Variants in ANO4 observed in about 807,000 individuals in gnomAD.
ANO4 encodes anoctamin-4.
ANO4 carries 69 observed loss-of-function variants against 141.9 expected under a neutral mutation model. The ratio of observed to expected loss-of-function variants is 0.49; its 90% CI spans 0.40 to 0.59. The LOEUF is 0.59. ANO4 is among the 20% of genes least tolerant of loss of function. The pLI is 0.00. For synonymous variants in ANO4, 350 were observed against 394.3 expected (o/e 0.89, Z 1.33); for missense variants, 894 against 1,162.2 (o/e 0.77, Z 3.36).
At chr12:100,771,256 T>G (rs1177784323) in intron 3 of ANO4, among the ~76,000 whole-genome samples, 2 of 151,998 alleles carry the variant, frequency 1.3e-5, no homozygotes, top group Non-Finnish European at 2.9e-5. Context: ...GATCAGTGGG[T>G]GGACAGGAAA....
At chr12:100,937,158 G>T (rs1204673819) in intron 3 of ANO4, among the ~76,000 whole-genome samples, 2 of 152,080 alleles carry the variant, frequency 1.3e-5, no homozygotes, top group African/African-American at 4.8e-5. Context: ...CTCAGATATC[G>T]TTACATTGTG....
chr12:100,778,918 A>G (rs1236311115), intron 3 of ANO4, among the ~76,000 whole-genome samples: 1 of 152,146 alleles, frequency 6.6e-6, no homozygotes, highest in East Asian at 1.9e-4. Context: ...TAACACACTC[A>G]TATCTGTTGT....
chr12:100,939,161 A>G (rs1439849978), intron 3 of ANO4, among the ~76,000 whole-genome samples, 154 bp from the exon 4 acceptor site: 1 of 152,212 alleles, frequency 6.6e-6, no homozygotes, highest in African/African-American at 2.4e-5. Flanking sequence ...TATGTCTGAC[A>G]TACTTTTCTT....
rs1389779160 is a variant in ANO4, at chr12:101,042,428, T to A, written c.1114T>A (p.Phe372Ile). ...AGCTGCCTTCATTGGATTGTTTGTCTTTTTGTATGGCGTCACCACTCTGGA... is the reference window on the plus strand; with the variant it reads ...AGCTGCCTTCATTGGATTGTTTGTCATTTTGTATGGCGTCACCACTCTGGA... ...FPAAFIGLFVFLYGVTTLDHS... is the reference protein window; with the variant it reads ...FPAAFIGLFVILYGVTTLDHS... The change falls in exon 12 of 28, where the codon TTT becomes ATT. Residue 372 changes from phenylalanine to isoleucine, a missense_variant. By Grantham distance (21) the Phe-to-Ile change is conservative. Around this residue, in one of 2 missense-constraint regions of ANO4, gnomAD observed 637 missense variants for 909.2 expected, o/e 0.70. Transcript: ENST00000392977. 6.2e-7 allele frequency: 1 copy of A among 1,614,166 alleles called. No individual in the cohort carries two copies. Among genetic ancestry groups the A allele is most frequent in the Admixed American group, 1.7e-5 (1 of 60,022 alleles).
chr12:100,983,986 G>A (rs142036250), intron 7 of ANO4, among the ~76,000 whole-genome samples: 226 of 152,278 alleles, frequency 1.5e-3, no homozygotes, highest in East Asian at 0.011. Flanking sequence ...ATGCACAGCC[G>A]TGTGTAATGG....
intron 1 of ANO4, among the ~76,000 whole-genome samples, chr12:100,845,094 G>GC: frequency 6.6e-6 from 1 of 152,286 alleles, no homozygotes; most frequent in Admixed American, 6.5e-5. Context: ...AGCAGGAAAG[G>GC]CCCATCATAG....
At chr12:101,090,743 A>T (rs184407307) in intron 17 of ANO4, among the ~76,000 whole-genome samples, 168 of 151,574 alleles carry the variant, frequency 1.1e-3, no homozygotes, top group African/African-American at 3.1e-3. Context: ...AACTTAAATT[A>T]AAAAAAAAGA....
intron 5 of ANO4, among the ~76,000 whole-genome samples, chr12:100,946,442 G>A (rs977539101): frequency 1.3e-5 from 2 of 152,174 alleles, no homozygotes; most frequent in Non-Finnish European, 2.9e-5. Context: ...GCTTGGTCAA[G>A]CACATAGAAG....
In ANO4 at chr12:101,127,030, GGAA is replaced by G. The variant is rs763279898; in HGVS notation, c.2835_2837del (p.Lys945del). 2.0e-5 allele frequency: 33 copies of G among 1,613,984 alleles called. No homozygotes were observed. The highest frequency in any genetic ancestry group is 2.6e-5 in the Non-Finnish European group (31 of 1,179,998). ...CGTCTCCAGAAGGAACGAAAGGAGA[GGAA>G]GAAGAATGGAAAAGCACACCACAAC... On this transcript the variant is annotated inframe_deletion, in exon 27 of 28. Transcript: ENST00000392977.
At chr12:101,032,629 C>A (rs1487172075) in intron 9 of ANO4, among the ~76,000 whole-genome samples, 1 of 151,990 alleles carries the variant, frequency 6.6e-6, no homozygotes, top group Non-Finnish European at 1.5e-5. Context: ...AAGGAAAAAA[C>A]AAACAACCCC....
intron 17 of ANO4, among the ~76,000 whole-genome samples, chr12:101,090,683 C>G (rs1190836534): frequency 6.6e-6 from 1 of 151,826 alleles, no homozygotes; most frequent in Non-Finnish European, 1.5e-5. Context: ...ACCAACATGG[C>G]ACATGTATAT....
chr12:100,733,788 A>G, exon 2 of ANO4: 1 of 702,284 alleles, frequency 1.4e-6, no homozygotes, highest in Non-Finnish European at 2.6e-6. Context: ...AGATGTGAGC[A>G]GCGGAAGTTA....
At chr12:100,912,816 C>T (rs567998583) in intron 2 of ANO4, among the ~76,000 whole-genome samples, 3 of 152,246 alleles carry the variant, frequency 2.0e-5, no homozygotes, top group East Asian at 1.9e-4. Flanking sequence ...ATGGAAAAAG[C>T]GACAAGGGCT....
chr12:101,098,090 A>G (rs1226573449), intron 21 of ANO4, 145 bp downstream of exon 21: 9 of 682,478 alleles, frequency 1.3e-5, no homozygotes, highest in Non-Finnish European at 2.3e-5. Flanking sequence ...AGACATCCAA[A>G]GGCAGCCATG....
intron 5 of ANO4, among the ~76,000 whole-genome samples, chr12:100,949,451 T>C (rs1312425763): frequency 6.6e-6 from 1 of 152,258 alleles, no homozygotes; most frequent in African/African-American, 2.4e-5. Flanking sequence ...ATCTCATGGG[T>C]TATTTTAATT....
At chr12:101,030,436 A>G (rs1180915345) in intron 9 of ANO4, among the ~76,000 whole-genome samples, 1 of 152,250 alleles carries the variant, frequency 6.6e-6, no homozygotes, top group Non-Finnish European at 1.5e-5. Context: ...CAATGAGAAC[A>G]AAGAGACAAC....
At chr12:100,790,772 T>C (rs1449764506), upstream of ANO4, among the ~76,000 whole-genome samples, 1 of 152,248 alleles carries the variant, frequency 6.6e-6, no homozygotes, top group Non-Finnish European at 1.5e-5. Flanking sequence ...TTTTGAAGAC[T>C]TGGATGCTCT....
upstream of ANO4, among the ~76,000 whole-genome samples, chr12:100,793,127 G>A (rs2034115478): frequency 6.6e-6 from 1 of 152,180 alleles, no homozygotes; most frequent in Non-Finnish European, 1.5e-5. Flanking sequence ...ATTTGTCCAT[G>A]AGACTGTAAA....
chr12:100,840,637 C>T (rs1047117027), intron 1 of ANO4, among the ~76,000 whole-genome samples: 2 of 152,112 alleles, frequency 1.3e-5, no homozygotes, highest in African/African-American at 4.8e-5. Flanking sequence ...ACCTATATCC[C>T]ATTTTCTGAG....
Sources: gnomAD v4.1 joint callset for allele counts (sites outside exome capture counted in the v4.1 genomes callset) on GRCh38, gnomAD v4.1.1 for gene constraint, gnomAD v4.1.1 regional missense constraint, MANE v1.5 for transcripts, NCBI Gene and HGNC (gene_info 2026-07-23, HGNC 2026-07-21) for gene names.